The following KIDINS220 variants were observed in gnomAD, a reference collection of about 807,000 sequenced individuals.
KIDINS220 encodes the protein kinase D interacting substrate 220.
KIDINS220 carries 63 observed loss-of-function variants against 157.6 expected under a neutral mutation model. The ratio of observed to expected loss-of-function variants is 0.40; its 90% CI spans 0.33 to 0.49. The LOEUF is 0.49. Ranked by LOEUF, KIDINS220 falls within the 20% of genes least tolerant of loss-of-function variation. The pLI, the probability that KIDINS220 is intolerant of heterozygous loss-of-function variation, is 0.66. For synonymous variants in KIDINS220, 732 were observed against 783.6 expected, an observed-to-expected ratio of 0.93 and a Z score of 1.10; for missense variants, 1,772 against 2,171.2, an observed-to-expected ratio of 0.82 and a Z score of 3.65.
intron 24 of KIDINS220, 141 bp downstream of exon 24, chr2:8,749,971 T>G (rs1011353068): frequency 3.1e-6 from 2 of 654,874 alleles, no homozygotes; most frequent in African/African-American, 1.8e-5. Flanking sequence ...CAAAAAGTCC[T>G]ATATTTTACA....
In KIDINS220 at chr2:8,730,290, C is replaced by G. The variant is rs1417533691; in HGVS notation, c.*430G>C. ...ACTCACCTAGGTGAGCCCCTAAGAGCAGGGTTTGCTTCTGCTTCACCTAAC... is the reference window on the plus strand; with the variant it reads ...ACTCACCTAGGTGAGCCCCTAAGAGGAGGGTTTGCTTCTGCTTCACCTAAC... On this transcript the variant is annotated 3_prime_UTR_variant, in exon 30 of 30. Coordinates refer to ENST00000256707, the MANE Select transcript of KIDINS220 (RefSeq NM_020738.4). 2.0e-6 allele frequency: 2 copies of G among 1,000,696 alleles called. No homozygotes were observed. The highest frequency in any genetic ancestry group is 2.4e-6 in the Non-Finnish European group (2 of 840,066). The allele number at this position is 1,000,696 out of a possible 1,614,324, so 62.0% of individuals were successfully genotyped here.
At chr2:8,825,385 G>GAAAAAAAAAAAAA (rs371497676) in intron 2 of KIDINS220, among the ~76,000 whole-genome samples, 2 of 145,602 alleles carry the variant, frequency 1.4e-5, no homozygotes, top group Non-Finnish European at 3.0e-5. Context: ...AAAAAAAAAA[G>GAAAAAAAAAAAAA]AAAAAGTTCT....
At chr2:8,726,874 AT>A, downstream of KIDINS220, 1 of 1,283,294 alleles carries the variant, frequency 7.8e-7, no homozygotes, top group Non-Finnish European at 1.0e-6. Context: ...TCGAAAACTA[AT>A]TTTTTACATA....
At chr2:8,759,167 T>C (rs537529927) in intron 22 of KIDINS220, among the ~76,000 whole-genome samples, 5 of 152,334 alleles carry the variant, frequency 3.3e-5, no homozygotes, top group Non-Finnish European at 7.4e-5. Context: ...CATCATGGCA[T>C]GCCTTCTTCA....
chr2:8,728,957 A>G lies in KIDINS220; in HGVS notation c.*1763T>C, dbSNP rs1663654505. On this transcript the variant is annotated 3_prime_UTR_variant, in exon 30 of 30. Coordinates refer to ENST00000256707, the MANE Select transcript of KIDINS220 (RefSeq NM_020738.4). ...CATGCAATTTTTTATTGTTTTCTAA[A>G]TCTATTTGTACACTTAATATGCTAG... 4.1e-6 allele frequency: 4 copies of G among 978,458 alleles called. No individual in the cohort carries two copies. In the South Asian group the frequency reaches 1.9e-4, roughly 46 times the overall value. The allele number at this position is 978,458 out of a possible 1,614,324, so 60.6% of individuals were successfully genotyped here. A position where few individuals can be genotyped will look rare whatever the true frequency, so the allele number is the denominator to read the frequency against.
chr2:8,800,663 G>C (rs1674564014), intron 8 of KIDINS220, among the ~76,000 whole-genome samples, 165 bp from the exon 9 acceptor site: 1 of 152,016 alleles, frequency 6.6e-6, no homozygotes, highest in African/African-American at 2.4e-5. Context: ...ATGAATATCT[G>C]ATATTAACAG....
chr2:8,792,281 T>C (rs1358403189), intron 12 of KIDINS220, among the ~76,000 whole-genome samples: 1 of 152,128 alleles, frequency 6.6e-6, no homozygotes, highest in African/African-American at 2.4e-5. Context: ...TGTAAAACTT[T>C]TGAATGAGGA....
downstream of KIDINS220, among the ~76,000 whole-genome samples, chr2:8,727,974 G>C (rs1407752839): frequency 6.6e-6 from 1 of 152,222 alleles, no homozygotes; most frequent in African/African-American, 2.4e-5. Context: ...AGGCCACGGT[G>C]AATGAATCTG....
intron 2 of KIDINS220, chr2:8,826,040 T>C (rs1978840): frequency 0.97 from 147,309 of 152,224 alleles, 71,323 homozygotes; most frequent in Middle Eastern, 0.99. Context: ...GCCAAGATCC[T>C]GCCACTGTAC....
At position 8,796,855 on chromosome 2, in the gene KIDINS220, T is replaced by C; in HGVS notation, c.1014A>G (p.Pro338=). The C allele has an allele frequency of 6.2e-7, 1 of 1,614,042 alleles. No individual in the cohort carries two copies. The highest frequency in any genetic ancestry group is 8.5e-7 in the Non-Finnish European group (1 of 1,179,910). The stretch of plus-strand genomic sequence containing the variant: ...TTCTCATCTTGGTAGCCTTTATAAG[T>C]GGCGTTTCACCATCCTGTGGGCACA... ...TEICTKDGET[P]LIKATKMRNI... The change falls in exon 11 of 30, where the codon CCA becomes CCG. Residue 338 remains proline (P), a synonymous_variant. Transcript: ENST00000256707.
downstream of KIDINS220, chr2:8,723,442 A>G (rs938915195): frequency 6.6e-6 from 1 of 152,230 alleles, no homozygotes; most frequent in Non-Finnish European, 1.5e-5. Flanking sequence ...TAAACGTCAA[A>G]TGTATTCAGT....
chr2:8,758,128 A>G (rs912223857), intron 22 of KIDINS220, among the ~76,000 whole-genome samples: 8 of 152,152 alleles, frequency 5.3e-5, no homozygotes, highest in Admixed American at 5.2e-4. Context: ...CTGCTAAAGT[A>G]CTGGGATTAC....
chr2:8,803,193 T>A lies in KIDINS220; in HGVS notation c.604-66A>T, dbSNP rs910691826. On this transcript the variant is annotated intron_variant, in intron 7 of 29. Coordinates refer to ENST00000256707, the MANE Select transcript of KIDINS220 (RefSeq NM_020738.4). Reference sequence around the variant, plus strand: ...CAAGAAATTAATGTATTCTAGAAAATATATGATTTATGCCATAATCATAAA... The same window carrying A: ...CAAGAAATTAATGTATTCTAGAAAAAATATGATTTATGCCATAATCATAAA... 6.4e-6 allele frequency: 8 copies of A among 1,254,860 alleles called. No homozygotes were observed. In the African/African-American group the frequency reaches 1.2e-4, roughly 19 times the overall value. The allele number at this position is 1,254,860 out of a possible 1,614,324, so 77.7% of individuals were successfully genotyped here.
At chr2:8,732,601 A>G (rs1445551808) in intron 29 of KIDINS220, among the ~76,000 whole-genome samples, 3 of 152,256 alleles carry the variant, frequency 2.0e-5, no homozygotes, top group African/African-American at 7.2e-5. Context: ...AACAAGGAGC[A>G]AAAAGTACAG....
At chr2:8,721,568 TA>T (rs1418520584), downstream of KIDINS220, 1 of 152,240 alleles carries the variant, frequency 6.6e-6, no homozygotes, top group Non-Finnish European at 1.5e-5. Context: ...AACCCTATTT[TA>T]AAACAAGAAA....
In KIDINS220 at chr2:8,730,829, C is replaced by T. The variant is rs375496239; in HGVS notation, c.5207G>A (p.Arg1736Gln). The T allele has an allele frequency of 4.0e-5, 64 of 1,614,086 alleles. No individual in the cohort carries two copies. The highest frequency in any genetic ancestry group is 1.4e-4 in the South Asian group (13 of 91,086). The part of the protein sequence containing the change: ...NENLKSMTHK[R>Q]SQRSSYTRLS... The stretch of plus-strand genomic sequence containing the variant: ...CCTTGTGTAACTTGAACGTTGGCTT[C>T]GCTTATGTGTCATGCTTTTTAGATT... The change falls in exon 30 of 30, where the codon CGA becomes CAA. Residue 1736 changes from arginine to glutamine, a missense_variant. Coordinates refer to ENST00000256707, the MANE Select transcript of KIDINS220 (RefSeq NM_020738.4).
downstream of KIDINS220, among the ~76,000 whole-genome samples, chr2:8,727,846 G>A (rs779429641): frequency 1.2e-4 from 19 of 152,182 alleles, no homozygotes; most frequent in Admixed American, 7.9e-4. Flanking sequence ...CAGTGTTGGA[G>A]AGCTGATCCC....
chr2:8,829,357 A>G (rs1456417905), intron 1 of KIDINS220, among the ~76,000 whole-genome samples: 1 of 152,232 alleles, frequency 6.6e-6, no homozygotes, highest in African/African-American at 2.4e-5. Flanking sequence ...ATATATTCAG[A>G]ACAACTTGAA....
In KIDINS220 at chr2:8,828,530, C is replaced by T. The variant is rs140498569; in HGVS notation, c.-36-1401G>A. 8.5e-5 allele frequency among the ~76,000 whole-genome samples: 13 copies of T among 152,212 alleles called. No individual in the cohort carries two copies. The East Asian group carries it at 2.1e-3, about 25-fold the overall frequency. ...GACATCCAAATGCAAATAAATAAAC[C>T]TCAATCCATACTTTGTACCACATAC... On this transcript the variant is annotated intron_variant, in intron 1 of 29. Coordinates refer to ENST00000256707, the MANE Select transcript of KIDINS220 (RefSeq NM_020738.4).
Sources: gnomAD v4.1 joint callset for allele counts (sites outside exome capture counted in the v4.1 genomes callset) on GRCh38, gnomAD v4.1.1 for gene constraint, MANE v1.5 for transcripts, NCBI Gene and HGNC (gene_info 2026-07-23, HGNC 2026-07-21) for gene names.